HPSE2: variants seen among roughly 807,000 people sequenced by gnomAD.
HPSE2 encodes heparanase 2 (inactive).
HPSE2 carries 38 observed loss-of-function variants against 60.5 expected under a neutral mutation model. The observed-to-expected ratio is 0.63, with a 90% CI of 0.48 to 0.82. The LOEUF is 0.82. Ranked by LOEUF, HPSE2 falls within the 40% of genes least tolerant of loss-of-function variation. The probability of loss-of-function intolerance (pLI) is 0.00; values close to 1 mark genes in which losing one functional copy is unlikely to be tolerated. For missense variants in HPSE2, 713 were observed against 740.4 expected (o/e 0.96, Z 0.43); for synonymous variants, 295 against 293.2 (o/e 1.01, Z -0.06).
In HPSE2 at chr10:98,929,469, G is replaced by A. The variant is rs536404962; in HGVS notation, c.611-185413C>T. On this transcript the variant is annotated intron_variant, in intron 3 of 11. Coordinates refer to ENST00000370552, the MANE Select transcript of HPSE2 (RefSeq NM_021828.5). The stretch of plus-strand genomic sequence containing the variant: ...ATCCTTTCTGGCCCTATTGATCCAG[G>A]TTTTTACATACTAAAGCTATCTTCA... Among the ~76,000 whole-genome samples, 4 of 143,872 alleles carry A rather than the reference G, an allele frequency of 2.8e-5. No individual in the cohort carries two copies. The East Asian group carries it at 7.9e-4, about 28-fold the overall frequency. 94.4% of individuals were successfully genotyped at this position (143,872 alleles called of 152,430 possible). A position where few individuals can be genotyped will look rare whatever the true frequency, so the allele number is the denominator to read the frequency against.
chr10:98,634,753 A>G (rs1010152956), intron 7 of HPSE2, among the ~76,000 whole-genome samples: 1 of 152,236 alleles, frequency 6.6e-6, no homozygotes, highest in Non-Finnish European at 1.5e-5. Flanking sequence ...TTTATTAAAT[A>G]TAAACAGTCA....
intron 3 of HPSE2, among the ~76,000 whole-genome samples, chr10:98,909,624 G>A (rs1454538915): frequency 2.7e-5 from 4 of 147,244 alleles, no homozygotes; most frequent in Admixed American, 6.8e-5. Context: ...GTGAGGCTCC[G>A]TCTCAAAATT....
intron 9 of HPSE2, among the ~76,000 whole-genome samples, chr10:98,589,972 C>T (rs1945043137): frequency 6.6e-6 from 1 of 152,200 alleles, no homozygotes; most frequent in Non-Finnish European, 1.5e-5. Flanking sequence ...ATTTTCCCTA[C>T]CTTATCTCCC....
At chr10:98,938,165 T>G (rs1313505477) in intron 3 of HPSE2, among the ~76,000 whole-genome samples, 2 of 143,776 alleles carry the variant, frequency 1.4e-5, no homozygotes, top group Admixed American at 1.4e-4. Flanking sequence ...AACTGGAAAT[T>G]CTAAAAAGCA....
At chr10:98,680,242 TA>T (rs1947748983) in intron 6 of HPSE2, among the ~76,000 whole-genome samples, 2 of 152,198 alleles carry the variant, frequency 1.3e-5, no homozygotes, top group East Asian at 3.8e-4. Flanking sequence ...AAGACAAAGT[TA>T]CTATCTTGTT....
chr10:99,008,301 A>T (rs955789517), intron 3 of HPSE2, among the ~76,000 whole-genome samples: 1 of 152,218 alleles, frequency 6.6e-6, no homozygotes, highest in Non-Finnish European at 1.5e-5. Flanking sequence ...TCTGGTTTTA[A>T]TAACTAATAC....
At chr10:98,595,164 ATTTTTTTTT>A (rs34509249) in intron 9 of HPSE2, among the ~76,000 whole-genome samples, 1 of 91,688 alleles carries the variant, frequency 1.1e-5, no homozygotes, top group Non-Finnish European at 2.1e-5. Context: ...TATAAATGAG[ATTTTTTTTT>A]TTTTTTTTTT....
At chr10:98,866,397 T>G (rs1437333819) in intron 3 of HPSE2, among the ~76,000 whole-genome samples, 2 of 151,906 alleles carry the variant, frequency 1.3e-5, no homozygotes, top group African/African-American at 4.8e-5. Context: ...TGGCCTAACA[T>G]AGAGATAATT....
intron 3 of HPSE2, among the ~76,000 whole-genome samples, chr10:98,984,587 C>T (rs1356089379): frequency 6.6e-6 from 1 of 152,214 alleles, no homozygotes; most frequent in Non-Finnish European, 1.5e-5. Flanking sequence ...CAGAGTGCCT[C>T]TCCTCCTACA....
intron 9 of HPSE2, among the ~76,000 whole-genome samples, chr10:98,569,713 C>T (rs545779419): frequency 9.9e-5 from 15 of 152,204 alleles, no homozygotes; most frequent in East Asian, 3.9e-4. Flanking sequence ...CTGTTTTGCA[C>T]GGGACTAGGC....
intron 3 of HPSE2, among the ~76,000 whole-genome samples, chr10:99,082,383 G>A (rs1227171363): frequency 6.6e-6 from 1 of 152,178 alleles, no homozygotes; most frequent in East Asian, 1.9e-4. Context: ...GAGTGAAAAA[G>A]TTGCTGCACA....
chr10:98,573,394 A>C (rs536884818), intron 9 of HPSE2, among the ~76,000 whole-genome samples: 6 of 152,138 alleles, frequency 3.9e-5, no homozygotes, highest in African/African-American at 1.4e-4. Context: ...CATATAGAAC[A>C]TGTTTCTACT....
chr10:99,294,939 G>A, the HPSE2 span, among the ~76,000 whole-genome samples: 3 of 151,640 alleles, frequency 2.0e-5, no homozygotes, highest in African/African-American at 7.3e-5. Flanking sequence ...CTGGGCAACA[G>A]AGTGAGACTC....
chr10:98,636,013 T>C (rs1946489589), intron 7 of HPSE2, among the ~76,000 whole-genome samples: 1 of 152,078 alleles, frequency 6.6e-6, no homozygotes. Flanking sequence ...AAACAGTGGT[T>C]ACTAAAAGCT....
chr10:98,996,663 T>C lies in HPSE2; in HGVS notation c.610+147575A>G, dbSNP rs544489003. On this transcript the variant is annotated intron_variant, in intron 3 of 11. Coordinates refer to ENST00000370552, the MANE Select transcript of HPSE2 (RefSeq NM_021828.5). ...GATAAACTGCGGTATATTCATTTAA[T>C]GGAACAGTACTCAGCAACAAAAAAA... is the stretch of plus-strand genomic sequence containing the variant. 8.8e-4 allele frequency among the ~76,000 whole-genome samples: 134 copies of C among 152,256 alleles called. 1 individual carries two copies. Among genetic ancestry groups the C allele is most frequent in the African/African-American group, 3.1e-3 (127 of 41,558 alleles).
chr10:99,050,237 G>A (rs1957958803), intron 3 of HPSE2, among the ~76,000 whole-genome samples: 1 of 152,180 alleles, frequency 6.6e-6, no homozygotes. Context: ...AGGAGTCTGA[G>A]GCTGTAGTGG....
rs182609947 is a variant in HPSE2, at chr10:98,966,798, C to T, written c.610+177440G>A. 5.1e-4 allele frequency among the ~76,000 whole-genome samples: 78 copies of T among 152,296 alleles called. 2 individuals are homozygous for T. Among genetic ancestry groups the T allele is most frequent in the Middle Eastern group, 6.8e-3 (2 of 294 alleles). ...GAGAGAACTTGCAATGCACCCAACA[C>T]GTAGAAATGATAAATGTTCAGGTGA... On this transcript the variant is annotated intron_variant, in intron 3 of 11. Transcript: ENST00000370552.
At chr10:98,952,740 T>C (rs1955400622) in intron 3 of HPSE2, among the ~76,000 whole-genome samples, 1 of 152,116 alleles carries the variant, frequency 6.6e-6, no homozygotes, top group African/African-American at 2.4e-5. Context: ...GAGGGCTCTT[T>C]TCCTGATTTG....
chr10:99,087,410 C>T (rs903688477), intron 3 of HPSE2, among the ~76,000 whole-genome samples: 10 of 152,174 alleles, frequency 6.6e-5, no homozygotes, highest in South Asian at 2.1e-4. Context: ...CTTGGATACA[C>T]GTAAGCAATA....
Sources: gnomAD v4.1 joint callset for allele counts (sites outside exome capture counted in the v4.1 genomes callset) on GRCh38, gnomAD v4.1.1 for gene constraint, MANE v1.5 for transcripts, NCBI Gene and HGNC (gene_info 2026-07-23, HGNC 2026-07-21) for gene names.